Variants in HSP90AB1 observed in about 807,000 individuals in gnomAD.
The protein encoded by HSP90AB1 is heat shock protein 90 alpha family class B member 1.
HSP90AB1 carries 17 observed loss-of-function variants against 67.8 expected under a neutral mutation model. That is an observed-to-expected ratio of 0.25 (90% CI 0.17 to 0.38). The LOEUF (loss-of-function observed/expected upper bound fraction) is 0.38, where lower values mean the gene tolerates loss of function less well. Among genes scored for constraint, HSP90AB1 ranks in the 10% least tolerant of loss-of-function variants. The pLI is 1.00. For missense variants in HSP90AB1, 690 were observed against 899.9 expected (o/e 0.77, Z 2.98); for synonymous variants, 390 against 312.9 (o/e 1.25, Z -2.60).
At chr6:44,249,336 T>C in intron 2 of HSP90AB1, 41 bp from the exon 3 acceptor site, 2 of 1,521,498 alleles carry the variant, frequency 1.3e-6, no homozygotes, top group East Asian at 2.3e-5. Context: ...CAAGAGTCTG[T>C]CTTGGAAAGA....
chr6:44,253,363 A>C lies in HSP90AB1; in HGVS notation c.2050A>C (p.Ile684Leu). 3 of 1,614,118 alleles carry C rather than the reference A, an allele frequency of 1.9e-6. No homozygotes were observed. The highest frequency in any genetic ancestry group is 2.5e-6 in the Non-Finnish European group (3 of 1,179,984). ...QTHSNRIYRM[I>L]KLGLGIDEDE... ...CCACTCCAACCGCATCTATCGCATGATCAAGCTAGGTCTAGGTAAGTAGCT... is the reference window on the plus strand; with the variant it reads ...CCACTCCAACCGCATCTATCGCATGCTCAAGCTAGGTCTAGGTAAGTAGCT... The change falls in exon 11 of 12, where the codon ATC (isoleucine) becomes CTC (leucine). Residue 684 changes from isoleucine (I) to leucine (L), a missense_variant. Coordinates refer to ENST00000371646, the MANE Select transcript of HSP90AB1 (RefSeq NM_007355.4).
chr6:44,252,520 G>C (rs971658717), intron 10 of HSP90AB1, among the ~76,000 whole-genome samples: 1 of 151,662 alleles, frequency 6.6e-6, no homozygotes, highest in Non-Finnish European at 1.5e-5. Context: ...TTTTGAGATG[G>C]GGTCTCGCTC....
chr6:44,253,491 A>G lies in HSP90AB1; in HGVS notation c.2068A>G (p.Ile690Val). ...CACATGGCTTAATTTTACTTCAGGT[A>G]TTGATGAAGATGAAGTGGCAGCAGA... ...IYRMIKLGLG[I>V]DEDEVAAEEP... The change falls in exon 12 of 12, where the codon ATT (isoleucine) becomes GTT (valine). Residue 690 changes from isoleucine to valine, a missense_variant and splice_region_variant. Physicochemically the swap from Ile to Val is conservative, Grantham distance 29. This residue lies in a region of HSP90AB1 where 120 missense variants were observed against 153.5 expected (regional missense o/e 0.78). Coordinates refer to ENST00000371646, the MANE Select transcript of HSP90AB1 (RefSeq NM_007355.4). 6.2e-7 allele frequency: 1 copy of G among 1,612,908 alleles called. No homozygotes were observed. Among genetic ancestry groups the G allele is most frequent in the East Asian group, 2.2e-5 (1 of 44,826 alleles).
chr6:44,251,661 TA>T, intron 8 of HSP90AB1, 53 bp downstream of exon 8: 1 of 1,588,648 alleles, frequency 6.3e-7, no homozygotes, highest in South Asian at 1.1e-5. Flanking sequence ...GTAATAACAA[TA>T]AATTATTCCA....
In HSP90AB1 at chr6:44,249,901, A is replaced by G. The variant is rs569447637; in HGVS notation, c.514+67A>G. 66 of 1,587,230 alleles carry G rather than the reference A, an allele frequency of 4.2e-5. No homozygotes were observed. In the Admixed American group the frequency reaches 5.4e-4, roughly 13 times the overall value. ...TTCTGGGCTCACACCAGTAGCAGAA[A>G]TTTTGGGCATCCTGTCTGTAAAGCA... On this transcript the variant is annotated intron_variant, in intron 4 of 11. Transcript: ENST00000371646.
chr6:44,250,427 G>T lies in HSP90AB1; in HGVS notation c.785G>T (p.Gly262Val). The change falls in exon 6 of 12, where the codon GGT becomes GTT. Residue 262 changes from glycine (G) to valine (V), a missense_variant. Gly to Val is a moderately radical substitution (Grantham distance 109). Around this residue, in one of 7 missense-constraint regions of HSP90AB1, gnomAD observed 146 missense variants for 143.7 expected, o/e 1.02. Coordinates refer to ENST00000371646, the MANE Select transcript of HSP90AB1 (RefSeq NM_007355.4). The part of the protein sequence containing the change: ...DVGSDEEDDS[G>V]KDKKKKTKKI... Reference sequence around the variant, plus strand: ...GGTTCAGATGAGGAGGATGACAGCGGTAAGGATAAGAAGAAGAAAACTAAG... The same window carrying T: ...GGTTCAGATGAGGAGGATGACAGCGTTAAGGATAAGAAGAAGAAAACTAAG... 6.2e-7 allele frequency: 1 copy of T among 1,613,864 alleles called. No individual in the cohort carries two copies. Among genetic ancestry groups the T allele is most frequent in the Non-Finnish European group, 8.5e-7 (1 of 1,179,800 alleles).
In HSP90AB1 at chr6:44,249,892, G is replaced by C. The variant is rs1582983399; in HGVS notation, c.514+58G>C. 3 of 1,590,766 alleles carry C rather than the reference G, an allele frequency of 1.9e-6. No homozygotes were observed. The East Asian group carries it at 6.7e-5, about 36-fold the overall frequency. ...GTTAGGATTTTCTGGGCTCACACCA[G>C]TAGCAGAAATTTTGGGCATCCTGTC... On this transcript the variant is annotated intron_variant, in intron 4 of 11. Coordinates refer to ENST00000371646, the MANE Select transcript of HSP90AB1 (RefSeq NM_007355.4).
At chr6:44,248,494 G>C in intron 1 of HSP90AB1, 136 bp from the exon 2 acceptor site, 1 of 664,876 alleles carries the variant, frequency 1.5e-6, no homozygotes, top group Non-Finnish European at 2.4e-6. Context: ...TGCATTTTTA[G>C]TCTTGGGAAG....
chr6:44,248,822 A>G, intron 2 of HSP90AB1, 46 bp downstream of exon 2: 1 of 1,549,622 alleles, frequency 6.5e-7, no homozygotes, highest in Non-Finnish European at 8.8e-7. Flanking sequence ...TTTTTTTGAT[A>G]CTCTAGAAGG....
chr6:44,253,612 A>T lies in HSP90AB1; in HGVS notation c.*14A>T, dbSNP rs774647753. On this transcript the variant is annotated 3_prime_UTR_variant, in exon 12 of 12. Coordinates refer to ENST00000371646, the MANE Select transcript of HSP90AB1 (RefSeq NM_007355.4). ...GAAGTCGATTAGGTTAGGAGTTCATAGTTGGAAAACTTGTGCCCTTGTATA... is the reference window on the plus strand; with the variant it reads ...GAAGTCGATTAGGTTAGGAGTTCATTGTTGGAAAACTTGTGCCCTTGTATA... The T allele has an allele frequency of 3.7e-6, 6 of 1,605,262 alleles. No homozygotes were observed. Among genetic ancestry groups the T allele is most frequent in the African/African-American group, 2.7e-5 (2 of 74,706 alleles).
rs779276201 is a variant in HSP90AB1, at chr6:44,251,758, A to C, written c.1336A>C (p.Thr446Pro). 3.1e-6 allele frequency: 5 copies of C among 1,613,738 alleles called. No individual in the cohort carries two copies. The highest frequency in any genetic ancestry group is 4.2e-6 in the Non-Finnish European group (5 of 1,179,988). ...NLKLGIHEDS[T>P]NRRRLSELLR... The stretch of plus-strand genomic sequence containing the variant: ...CAAGCTTGGAATCCACGAAGACTCC[A>C]CTAACCGCCGCCGCCTGTCTGAGCT... The change falls in exon 9 of 12, where the codon ACT becomes CCT. Residue 446 changes from threonine to proline, a missense_variant. By Grantham distance (38) the Thr-to-Pro change is conservative. Coordinates refer to ENST00000371646, the MANE Select transcript of HSP90AB1 (RefSeq NM_007355.4).
At position 44,253,733 on chromosome 6, in the gene HSP90AB1, T is replaced by C; in HGVS notation, c.*135T>C. On this transcript the variant is annotated 3_prime_UTR_variant, in exon 12 of 12. Coordinates refer to ENST00000371646, the MANE Select transcript of HSP90AB1 (RefSeq NM_007355.4). ...TGTTTTTTTCCCTCTCCTGTCCTTG[T>C]GTTGAAGGCAGTAAACTAAGGGTGT... 1.3e-6 allele frequency: 1 copy of C among 789,324 alleles called. No homozygotes were observed. Among genetic ancestry groups the C allele is most frequent in the Non-Finnish European group, 2.3e-6 (1 of 426,828 alleles). 48.9% of individuals were successfully genotyped at this position (789,324 alleles called of 1,614,324 possible). A position where few individuals can be genotyped will look rare whatever the true frequency, so the allele number is the denominator to read the frequency against.
At chr6:44,251,687 G>C (rs374213189) in intron 8 of HSP90AB1, 50 bp from the exon 9 acceptor site, 481 of 1,597,858 alleles carry the variant, frequency 3.0e-4, no homozygotes, top group Non-Finnish European at 3.9e-4. Flanking sequence ...CATTGAAAGT[G>C]AAGTTATTGT....
intron 1 of HSP90AB1, chr6:44,248,084 G>C (rs574854080): frequency 1.3e-5 from 2 of 152,454 alleles, no homozygotes; most frequent in Non-Finnish European, 2.9e-5. Context: ...CCTCCGGTGG[G>C]TATCGTATGG....
In HSP90AB1 at chr6:44,253,616, G is replaced by A. The variant is rs767617043; in HGVS notation, c.*18G>A. On this transcript the variant is annotated 3_prime_UTR_variant, in exon 12 of 12. Coordinates refer to ENST00000371646, the MANE Select transcript of HSP90AB1 (RefSeq NM_007355.4). ...TCGATTAGGTTAGGAGTTCATAGTT[G>A]GAAAACTTGTGCCCTTGTATAGTGT... 42 of 1,598,722 alleles carry A rather than the reference G, an allele frequency of 2.6e-5. No individual in the cohort carries two copies. The highest frequency in any genetic ancestry group is 3.5e-5 in the Non-Finnish European group (41 of 1,166,042).
rs766197474 is a variant in HSP90AB1, at chr6:44,251,562, A to G, written c.1268A>G (p.Lys423Arg). The change falls in exon 8 of 12, where the codon AAG becomes AGG. Residue 423 changes from lysine (K) to arginine (R), a missense_variant. Lys to Arg is a conservative substitution (Grantham distance 26, BLOSUM62 2). Transcript: ENST00000371646. ...LELFSELAED[K>R]ENYKKFYEAF... ...CTCTTCTCTGAGCTGGCAGAAGACA[A>G]GGAGAATTACAAGAAATTCTATGAG... The G allele has an allele frequency of 6.2e-7, 1 of 1,610,060 alleles. No homozygotes were observed. The highest frequency in any genetic ancestry group is 1.1e-5 in the South Asian group (1 of 90,610).
rs201348263 is a variant in HSP90AB1, at chr6:44,253,254, T to C, written c.1941T>C (p.Asn647=). 5 of 1,614,214 alleles carry C rather than the reference T, an allele frequency of 3.1e-6. No homozygotes were observed. The African/African-American group carries it at 4.0e-5, about 13-fold the overall frequency. The change falls in exon 11 of 12, where the codon AAT becomes AAC. Residue 647 remains asparagine, a synonymous_variant. Coordinates refer to ENST00000371646, the MANE Select transcript of HSP90AB1 (RefSeq NM_007355.4). ...TLRQKAEADK[N]DKAVKDLVVL... ...GGCAGAAGGCTGAGGCCGACAAGAA[T>C]GATAAGGCAGTTAAGGACCTGGTGG...
chr6:44,249,957 T>A (rs1238319930), intron 4 of HSP90AB1, 64 bp from the exon 5 acceptor site: 20 of 1,597,402 alleles, frequency 1.3e-5, no homozygotes, highest in Non-Finnish European at 1.5e-5. Context: ...TGATACTTAC[T>A]AATTGCTGGT....
At position 44,250,491 on chromosome 6, in the gene HSP90AB1, C is replaced by T. The variant is rs1214719866; in HGVS notation, c.849C>T (p.Asn283=). The T allele has an allele frequency of 2.5e-6, 4 of 1,613,926 alleles. No homozygotes were observed. Among genetic ancestry groups the T allele is most frequent in the Admixed American group, 1.7e-5 (1 of 60,028 alleles). The change falls in exon 6 of 12, where the codon AAC becomes AAT. Residue 283 remains asparagine (N), a synonymous_variant. Transcript: ENST00000371646. The stretch of plus-strand genomic sequence containing the variant: ...AATACATTGATCAGGAAGAACTAAA[C>T]AAGACCAAGCCTATTTGGACCAGAA... ...KEKYIDQEEL[N]KTKPIWTRNP...
Sources: gnomAD v4.1 joint callset for allele counts (sites outside exome capture counted in the v4.1 genomes callset) on GRCh38, gnomAD v4.1.1 for gene constraint, gnomAD v4.1.1 regional missense constraint, MANE v1.5 for transcripts, NCBI Gene and HGNC (gene_info 2026-07-23, HGNC 2026-07-21) for gene names.